NRTN: variants seen among roughly 807,000 people sequenced by gnomAD.
The protein encoded by NRTN is prepro-neurturin.
NRTN carries 3 observed loss-of-function variants against 7.5 expected under a neutral mutation model. The ratio of observed to expected loss-of-function variants is 0.40; its 90% CI spans 0.18 to 1.03. NRTN has a LOEUF of 1.03. Ranked by LOEUF, NRTN falls within the 50% of genes least tolerant of loss-of-function variation. The pLI is 0.34. For missense variants in NRTN, 310 were observed against 307.0 expected (o/e 1.01, Z -0.07); for synonymous variants, 157 against 146.6 (o/e 1.07, Z -0.51).
At chr19:5,818,040 T>C (rs1363840651) in intron 1 of NRTN, among the ~76,000 whole-genome samples, 1 of 152,150 alleles carries the variant, frequency 6.6e-6, no homozygotes, top group Non-Finnish European at 1.5e-5. Flanking sequence ...CTCAGCTCAC[T>C]GCAACCTCCA....
At chr19:5,810,966 G>A (rs953898471) in intron 1 of NRTN, among the ~76,000 whole-genome samples, 1 of 151,818 alleles carries the variant, frequency 6.6e-6, no homozygotes, top group Non-Finnish European at 1.5e-5. Flanking sequence ...GGCTGGGCAC[G>A]GTTGTCACAC....
intron 1 of NRTN, among the ~76,000 whole-genome samples, chr19:5,820,483 T>G (rs2057020190): frequency 6.7e-6 from 1 of 148,814 alleles, no homozygotes; most frequent in Non-Finnish European, 1.5e-5. Flanking sequence ...GGAGAATCGC[T>G]TGAACCCAGG....
chr19:5,815,715 C>T (rs1417085969), intron 1 of NRTN, among the ~76,000 whole-genome samples: 3 of 149,138 alleles, frequency 2.0e-5, no homozygotes, highest in Non-Finnish European at 4.4e-5. Flanking sequence ...GGATTACAGA[C>T]GTGAGCCACC....
Position 5,827,962 on chromosome 19 carries a change from G to A in NRTN, c.383G>A (p.Arg128His), listed in dbSNP as rs764016005. ...GCGTCCGACGAGACGGTGCTGTTCC[G>A]CTACTGCGCAGGCGCCTGCGAGGCT... ...GYASDETVLF[R>H]YCAGACEAAA... is the part of the protein sequence containing the mutation. The change falls in exon 3 of 3, where the codon CGC becomes CAC. Residue 128 changes from arginine (R) to histidine (H), a missense_variant. Coordinates refer to ENST00000303212, the MANE Select transcript of NRTN (RefSeq NM_004558.5). 4.0e-6 allele frequency: 6 copies of A among 1,485,774 alleles called. No individual in the cohort carries two copies. The Admixed American group carries it at 1.1e-4, about 27-fold the overall frequency. 92.0% of individuals were successfully genotyped at this position (1,485,774 alleles called of 1,614,324 possible).
chr19:5,813,080 A>G (rs1016236407), intron 1 of NRTN, among the ~76,000 whole-genome samples: 8 of 152,114 alleles, frequency 5.3e-5, no homozygotes, highest in Non-Finnish European at 2.9e-5. Flanking sequence ...TTCGTGCCCT[A>G]TTGAAGATGG....
chr19:5,813,154 C>T (rs1395331577), intron 1 of NRTN, among the ~76,000 whole-genome samples: 6 of 151,506 alleles, frequency 4.0e-5, no homozygotes, highest in South Asian at 2.1e-4. Context: ...AAGGGAGGAT[C>T]GCTTGAGGCC....
rs1229911373 is a variant in NRTN at position 5,824,313 on chromosome 19, C to T, written c.148C>T (p.Arg50Trp). 10 of 1,604,946 alleles carry T rather than the reference C, an allele frequency of 6.2e-6. No individual in the cohort carries two copies. Among genetic ancestry groups the T allele is most frequent in the African/African-American group, 1.3e-5 (1 of 74,858 alleles). The change falls in exon 2 of 3, where the codon CGG (arginine) becomes TGG (tryptophan). Residue 50 changes from arginine (R) to tryptophan (W), a missense_variant. Transcript: ENST00000303212. ...CCGCCTGCCTCGAACCCTGGACGCC[C>T]GGATTGCCCGCCTGGCCCAGTGTAA... ...LHRLPRTLDA[R>W]IARLAQYRAL...
At chr19:5,812,422 T>C (rs911056931) in intron 1 of NRTN, among the ~76,000 whole-genome samples, 1 of 152,170 alleles carries the variant, frequency 6.6e-6, no homozygotes, top group Admixed American at 6.5e-5. Flanking sequence ...AGGCTGGACC[T>C]CTTTCTCCGG....
chr19:5,812,836 A>C (rs1355936870), intron 1 of NRTN, among the ~76,000 whole-genome samples: 1 of 152,224 alleles, frequency 6.6e-6, no homozygotes, highest in Non-Finnish European at 1.5e-5. Flanking sequence ...AGGCTGCCCT[A>C]GGAACAGGCC....
intron 1 of NRTN, among the ~76,000 whole-genome samples, chr19:5,823,067 A>C (rs542102336): frequency 8.6e-6 from 1 of 116,682 alleles, no homozygotes; most frequent in South Asian, 2.9e-4. Context: ...AAGGAAAGAA[A>C]GGAAGAGAAA....
intron 1 of NRTN, among the ~76,000 whole-genome samples, chr19:5,816,866 CATGTTT>C (rs1187478857): frequency 6.6e-6 from 1 of 152,138 alleles, no homozygotes; most frequent in African/African-American, 2.4e-5. Context: ...TGAGTGTGGT[CATGTTT>C]GAGTGTGACT....
chr19:5,824,971 G>A (rs974213749), intron 2 of NRTN, among the ~76,000 whole-genome samples: 2 of 152,032 alleles, frequency 1.3e-5, no homozygotes, highest in Non-Finnish European at 2.9e-5. Flanking sequence ...CTGGGCATTC[G>A]CCTGGTTGGC....
chr19:5,815,031 G>A (rs1003736647), intron 1 of NRTN, among the ~76,000 whole-genome samples: 2 of 152,240 alleles, frequency 1.3e-5, no homozygotes, highest in East Asian at 1.9e-4. Context: ...GGGCGGGGCC[G>A]TTCCCTCCTG....
At chr19:5,825,224 A>G (rs2057041561) in intron 2 of NRTN, among the ~76,000 whole-genome samples, 1 of 152,142 alleles carries the variant, frequency 6.6e-6, no homozygotes, top group Non-Finnish European at 1.5e-5. Flanking sequence ...CCTGAGGGCA[A>G]GACCCTCGCC....
chr19:5,808,757 C>CTT (rs60945267), intron 1 of NRTN, among the ~76,000 whole-genome samples: 8 of 130,364 alleles, frequency 6.1e-5, no homozygotes, highest in Non-Finnish European at 1.1e-4. Context: ...TCAATGGTGG[C>CTT]TTTTTTTTTT....
rs768289426 is a variant in NRTN, at chr19:5,824,272, C to T, written c.107C>T (p.Ala36Val). 7.5e-6 allele frequency: 12 copies of T among 1,610,406 alleles called. No homozygotes were observed. Among genetic ancestry groups the T allele is most frequent in the South Asian group, 3.3e-5 (3 of 90,758 alleles). ...GLLLSHRLGP[A>V]LVPLHRLPRT... ...CTTCTCAGCCACCGCCTCGGACCTG[C>T]GCTGGTCCCCCTGCACCGCCTGCCT... The change falls in exon 2 of 3, where the codon GCG becomes GTG. Residue 36 changes from alanine to valine, a missense_variant. Transcript: ENST00000303212.
intron 2 of NRTN, among the ~76,000 whole-genome samples, chr19:5,825,579 G>A (rs1348590808): frequency 6.6e-6 from 1 of 152,228 alleles, no homozygotes; most frequent in Non-Finnish European, 1.5e-5. Context: ...ACAGAGACCC[G>A]GGCGGGACCC....
Position 5,812,032 on chromosome 19 carries a change from G to A in NRTN, c.-399+6581G>A, listed in dbSNP as rs187872838. ...CTACAGGCGCCCAATACCACGCCCA[G>A]CCAATTTTTTTTGTATTTTTAGTAG... On this transcript the variant is annotated intron_variant, in intron 1 of 2. Coordinates refer to ENST00000303212, the MANE Select transcript of NRTN (RefSeq NM_004558.5). Among the ~76,000 whole-genome samples the A allele has an allele frequency of 1.9e-4, 28 of 150,896 alleles. No individual in the cohort carries two copies. The East Asian group carries it at 4.7e-3, about 25-fold the overall frequency.
chr19:5,826,208 A>G (rs1412820060), intron 2 of NRTN, among the ~76,000 whole-genome samples: 1 of 152,026 alleles, frequency 6.6e-6, no homozygotes, highest in African/African-American at 2.4e-5. Flanking sequence ...GTATCGGGCA[A>G]GCCCACAAAT....
Sources: gnomAD v4.1 joint callset for allele counts (sites outside exome capture counted in the v4.1 genomes callset) on GRCh38, gnomAD v4.1.1 for gene constraint, MANE v1.5 for transcripts, NCBI Gene and HGNC (gene_info 2026-07-23, HGNC 2026-07-21) for gene names.